Variants in PTPRT observed in about 807,000 individuals in gnomAD.
PTPRT encodes the protein protein tyrosine phosphatase receptor type T.
Under a neutral mutation model 176.8 loss-of-function variants are expected in PTPRT, and 56 were observed. The ratio of observed to expected loss-of-function variants is 0.32; its 90% confidence interval spans 0.26 to 0.40. The LOEUF (loss-of-function observed/expected upper bound fraction) is 0.40, where lower values mean the gene tolerates loss of function less well. Ranked by LOEUF, PTPRT falls within the 10% of genes least tolerant of loss-of-function variation. The probability of loss-of-function intolerance (pLI) is 1.00; values close to 1 mark genes in which losing one functional copy is unlikely to be tolerated. For synonymous variants in PTPRT, 783 were observed against 739.0 expected, an observed-to-expected ratio of 1.06 and a Z score of -0.96; for missense variants, 1,540 against 1,908.2, an observed-to-expected ratio of 0.81 and a Z score of 3.60.
In PTPRT at chr20:42,987,141, A is replaced by G. The variant is rs1010798937; in HGVS notation, c.89-101209T>C. ...CTCCCTGCCTCCCTCTGTTGTTTCC[A>G]CCCATCCTCGCCCCTGCAACCAGCA... is the stretch of plus-strand genomic sequence containing the variant. On this transcript the variant is annotated intron_variant, in intron 1 of 30. Coordinates refer to ENST00000373187, the MANE Select transcript of PTPRT (RefSeq NM_007050.6). 2.0e-5 allele frequency among the ~76,000 whole-genome samples: 3 copies of G among 151,280 alleles called. No individual in the cohort carries two copies. In the South Asian group the frequency reaches 6.3e-4, roughly 32 times the overall value.
chr20:42,713,981 CTT>C (rs986462835), intron 6 of PTPRT, among the ~76,000 whole-genome samples: 1 of 152,162 alleles, frequency 6.6e-6, no homozygotes, highest in African/African-American at 2.4e-5. Flanking sequence ...AATTAAATCT[CTT>C]TCTTTATAAA....
intron 7 of PTPRT, among the ~76,000 whole-genome samples, chr20:42,488,879 G>A (rs2071509151): frequency 6.6e-6 from 1 of 151,578 alleles, no homozygotes; most frequent in Admixed American, 6.6e-5. Flanking sequence ...TAGGAGAATT[G>A]CTTGAACCTA....
rs11402008 is a variant in PTPRT at position 43,167,431 on chromosome 20, C to CA, written c.88+22214dup. On this transcript the variant is annotated intron_variant, in intron 1 of 30. Coordinates refer to ENST00000373187, the MANE Select transcript of PTPRT (RefSeq NM_007050.6). ...TTCTGTAACAAGGCTCTGAATAATG[C>CA]AAAAAAAAAGAGGTGGGGTGGGAGT... Among the ~76,000 whole-genome samples, 1,053 of 149,448 alleles carry CA rather than the reference C, an allele frequency of 7.0e-3. 9 individuals are homozygous for CA. The highest frequency in any genetic ancestry group is 0.021 in the African/African-American group (838 of 40,782).
Position 43,059,455 on chromosome 20 carries a change from T to C in PTPRT, c.88+130191A>G, listed in dbSNP as rs560710012. Among the ~76,000 whole-genome samples, 2 of 152,326 alleles carry C rather than the reference T, an allele frequency of 1.3e-5. 1 individual carries two copies. Among genetic ancestry groups the C allele is most frequent in the South Asian group, 4.1e-4 (2 of 4,826 alleles). ...TTACCTTCCACAAAACACTAGAACA[T>C]GAAGACAATTCATTCAGCTAAAAGC... On this transcript the variant is annotated intron_variant, in intron 1 of 30. Transcript: ENST00000373187.
intron 10 of PTPRT, among the ~76,000 whole-genome samples, chr20:42,350,962 C>T (rs1348730142): frequency 6.6e-6 from 1 of 152,162 alleles, no homozygotes; most frequent in Non-Finnish European, 1.5e-5. Context: ...AATGATCTGT[C>T]GAGTAACCTG....
chr20:43,004,698 C>T (rs1428808629), intron 1 of PTPRT, among the ~76,000 whole-genome samples: 1 of 152,170 alleles, frequency 6.6e-6, no homozygotes, highest in Non-Finnish European at 1.5e-5. Flanking sequence ...AAAGAACCTT[C>T]GTGTCCATCA....
intron 1 of PTPRT, among the ~76,000 whole-genome samples, chr20:42,980,180 T>A (rs1234881028): frequency 6.6e-6 from 1 of 152,088 alleles, no homozygotes; most frequent in Non-Finnish European, 1.5e-5. Flanking sequence ...GAGCAGTAGC[T>A]GCCAGTGAGC....
At chr20:42,696,771 G>C (rs2075886372) in intron 6 of PTPRT, among the ~76,000 whole-genome samples, 1 of 152,078 alleles carries the variant, frequency 6.6e-6, no homozygotes, top group Non-Finnish European at 1.5e-5. Context: ...GATCTTTGAA[G>C]TGAGTCTTCT....
At chr20:42,988,514 C>G (rs1983723225) in intron 1 of PTPRT, among the ~76,000 whole-genome samples, 1 of 152,116 alleles carries the variant, frequency 6.6e-6, no homozygotes, top group Non-Finnish European at 1.5e-5. Context: ...GCTTCCCATC[C>G]CCCATGTGCT....
downstream of PTPRT, among the ~76,000 whole-genome samples, chr20:42,069,361 T>C (rs1034619003): frequency 2.0e-5 from 3 of 152,240 alleles, no homozygotes; most frequent in Non-Finnish European, 4.4e-5. Flanking sequence ...TTTTTAGTTA[T>C]TCTGAGCAAG....
At chr20:42,981,139 G>A (rs1056098096) in intron 1 of PTPRT, among the ~76,000 whole-genome samples, 1 of 152,188 alleles carries the variant, frequency 6.6e-6, no homozygotes, top group Non-Finnish European at 1.5e-5. Flanking sequence ...TGATTACAAT[G>A]GTCTTGAATA....
At chr20:42,771,063 C>A (rs749728951) in intron 5 of PTPRT, among the ~76,000 whole-genome samples, 8 of 152,198 alleles carry the variant, frequency 5.3e-5, no homozygotes, top group Non-Finnish European at 1.2e-4. Context: ...GCATCGTTAG[C>A]CCAAGCTGCC....
At position 42,396,364 on chromosome 20, in the gene PTPRT, C is replaced by T. The variant is rs150139854; in HGVS notation, c.1561-44079G>A. On this transcript the variant is annotated intron_variant, in intron 9 of 30. Coordinates refer to ENST00000373187, the MANE Select transcript of PTPRT (RefSeq NM_007050.6). ...TGGTCTGAGCCTCCACCATCTCTCA[C>T]CTGCATTATTAAAATGCCTGCTCAG... Among the ~76,000 whole-genome samples the T allele has an allele frequency of 4.0e-3, 616 of 152,304 alleles. 1 individual carries two copies. Among genetic ancestry groups the T allele is most frequent in the Middle Eastern group, 0.01 (3 of 294 alleles).
chr20:42,483,619 C>A (rs920769908), intron 7 of PTPRT, among the ~76,000 whole-genome samples: 7 of 152,220 alleles, frequency 4.6e-5, no homozygotes, highest in African/African-American at 1.7e-4. Flanking sequence ...ACAGCCCTAT[C>A]CCATAGGTCC....
intron 6 of PTPRT, among the ~76,000 whole-genome samples, chr20:42,745,145 A>G (rs1348705566): frequency 6.6e-6 from 1 of 152,236 alleles, no homozygotes; most frequent in African/African-American, 2.4e-5. Flanking sequence ...AGAGTAAACC[A>G]GAAGACATAT....
intron 14 of PTPRT, among the ~76,000 whole-genome samples, chr20:42,248,069 G>A (rs2056484703): frequency 6.6e-6 from 1 of 152,156 alleles, no homozygotes; most frequent in Non-Finnish European, 1.5e-5. Flanking sequence ...CAAACTAGTA[G>A]CTGGCCAAAG....
Position 42,771,530 on chromosome 20 carries a change from G to A in PTPRT, c.589C>T (p.Arg197Ter). 1.9e-6 allele frequency: 3 copies of A among 1,614,010 alleles called. No homozygotes were observed. The highest frequency in any genetic ancestry group is 2.2e-5 in the East Asian group (1 of 44,880). The change falls in exon 5 of 31, where the codon CGA becomes TGA. Residue 197 changes from arginine to a stop codon, truncating the protein, a stop_gained. Coordinates refer to ENST00000373187, the MANE Select transcript of PTPRT (RefSeq NM_007050.6). LOFTEE classifies it high-confidence loss of function. Reference protein sequence around the residue: ...HPCRKAPHFLRLQNVEVNVGQ... With the variant: ...HPCRKAPHFL ...ACATTCACCTCCACGTTTTGGAGTC[G>A]CAGAAAATGAGGTGCTTTTCCTAAG... is the stretch of plus-strand genomic sequence containing the variant.
chr20:42,863,715 C>T (rs900281304), intron 2 of PTPRT, among the ~76,000 whole-genome samples: 1 of 152,192 alleles, frequency 6.6e-6, no homozygotes, highest in African/African-American at 2.4e-5. Context: ...TGACTCCCTG[C>T]CCCCTAATTA....
intron 7 of PTPRT, among the ~76,000 whole-genome samples, chr20:42,537,300 T>C (rs2072494063): frequency 6.6e-6 from 1 of 152,190 alleles, no homozygotes; most frequent in Non-Finnish European, 1.5e-5. Flanking sequence ...CCTGATGTTA[T>C]AAATTTTACA....
Sources: gnomAD v4.1 joint callset for allele counts (sites outside exome capture counted in the v4.1 genomes callset) on GRCh38, gnomAD v4.1.1 for gene constraint, MANE v1.5 for transcripts, NCBI Gene and HGNC (gene_info 2026-07-23, HGNC 2026-07-21) for gene names.